Variants in LGR5 observed in about 807,000 individuals in gnomAD.
The protein encoded by LGR5 is leucine rich repeat containing G protein-coupled receptor 5, also known as leucine-rich repeat-containing G protein-coupled receptor 5.
LGR5 carries 54 observed loss-of-function variants against 76.7 expected under a neutral mutation model. The ratio of observed to expected loss-of-function variants is 0.70; its 90% CI spans 0.57 to 0.88. The LOEUF is 0.88. Among genes scored for constraint, LGR5 ranks in the 40% least tolerant of loss-of-function variants. LGR5 has a pLI of 0.00. For synonymous variants in LGR5, 406 were observed against 421.9 expected (o/e 0.96, Z 0.46); for missense variants, 1,078 against 1,073.3 (o/e 1.00, Z -0.06).
At chr12:71,534,679 G>C (rs372517058) in intron 3 of LGR5, among the ~76,000 whole-genome samples, 1 of 152,132 alleles carries the variant, frequency 6.6e-6, no homozygotes, top group Non-Finnish European at 1.5e-5. Context: ...GTCCTTTGCT[G>C]CTCCTTTAAC....
intron 4 of LGR5, among the ~76,000 whole-genome samples, chr12:71,536,913 CTT>C (rs1465871582): frequency 6.6e-6 from 1 of 152,156 alleles, no homozygotes; most frequent in Admixed American, 6.5e-5. Flanking sequence ...CATTTTGAAA[CTT>C]TATAACTATG....
intron 4 of LGR5, among the ~76,000 whole-genome samples, chr12:71,544,483 A>G (rs1317412688): frequency 6.7e-6 from 1 of 150,340 alleles, no homozygotes; most frequent in Non-Finnish European, 1.5e-5. Context: ...AGATAGGCTT[A>G]ATATCTCCCT....
At chr12:71,476,385 G>A (rs144352364) in intron 1 of LGR5, among the ~76,000 whole-genome samples, 45 of 152,242 alleles carry the variant, frequency 3.0e-4, no homozygotes, top group African/African-American at 1.1e-3. Flanking sequence ...CCCAATGTGT[G>A]TCTACTCTAG....
Position 71,544,930 on chromosome 12 carries a change from T to C in LGR5, c.429-8143T>C, listed in dbSNP as rs1877076772. On this transcript the variant is annotated intron_variant, in intron 4 of 17. Transcript: ENST00000266674. ...CAAAGTGGTCTCACAAAATGTACAA[T>C]GTACTGTTTAAGAGGGTTGGTCACC... Among the ~76,000 whole-genome samples the C allele has an allele frequency of 2.0e-5, 3 of 152,270 alleles. No homozygotes were observed. The South Asian group carries it at 6.2e-4, about 32-fold the overall frequency.
chr12:71,514,953 T>C (rs1875365317), intron 2 of LGR5, among the ~76,000 whole-genome samples: 2 of 152,208 alleles, frequency 1.3e-5, no homozygotes, highest in African/African-American at 2.4e-5. Context: ...TGATGAAATG[T>C]CATGATTCTT....
In LGR5 at chr12:71,440,365, A is replaced by G; in HGVS notation, c.212+73A>G. 6.8e-7 allele frequency: 1 copy of G among 1,472,126 alleles called. No homozygotes were observed. Among genetic ancestry groups the G allele is most frequent in the South Asian group, 1.2e-5 (1 of 86,842 alleles). The allele number at this position is 1,472,126 out of a possible 1,614,324, so 91.2% of individuals were successfully genotyped here. A position where few individuals can be genotyped will look rare whatever the true frequency, so the allele number is the denominator to read the frequency against. ...GAAGGTTCGTCCAAGGCGAGGCTGG[A>G]GGCTCCTCGGCGCCCGCCTGCTCGT... is the stretch of plus-strand genomic sequence containing the variant. On this transcript the variant is annotated intron_variant, in intron 1 of 17. Transcript: ENST00000266674. This position sits in a 1 kb window ranked among gnomAD's most constrained non-coding sequence, Gnocchi z 5.3.
chr12:71,576,905 C>A (rs147025167), intron 13 of LGR5, among the ~76,000 whole-genome samples: 1 of 152,102 alleles, frequency 6.6e-6, no homozygotes, highest in Non-Finnish European at 1.5e-5. Flanking sequence ...AAAGCCCAGC[C>A]GCCATTTGTA....
chr12:71,559,574 A>T lies in LGR5; in HGVS notation c.717-12A>T. 7.1e-7 allele frequency: 1 copy of T among 1,416,936 alleles called. No homozygotes were observed. Among genetic ancestry groups the T allele is most frequent in the Non-Finnish European group, 1.0e-6 (1 of 1,001,592 alleles). 87.8% of individuals were successfully genotyped at this position (1,416,936 alleles called of 1,614,324 possible). ...AAATAAAAAACTGAAAATACTATGT[A>T]CTCATTTTCAGAGATTTAAATTACA... is the stretch of plus-strand genomic sequence containing the variant. On this transcript the variant is annotated splice_polypyrimidine_tract_variant and intron_variant, in intron 6 of 17. Coordinates refer to ENST00000266674, the MANE Select transcript of LGR5 (RefSeq NM_003667.4).
At chr12:71,545,656 A>C (rs563022485) in intron 4 of LGR5, among the ~76,000 whole-genome samples, 202 of 152,096 alleles carry the variant, frequency 1.3e-3, no homozygotes, top group Admixed American at 2.4e-3. Context: ...TCAGATATGG[A>C]ATTAACCAAG....
At chr12:71,572,207 C>T (rs748089029) in intron 12 of LGR5, among the ~76,000 whole-genome samples, 2 of 151,902 alleles carry the variant, frequency 1.3e-5, no homozygotes, top group African/African-American at 2.4e-5. Flanking sequence ...CTCAGCCTCC[C>T]GAGTAGCTGG....
Position 71,465,078 on chromosome 12 carries a change from C to T in LGR5, c.212+24786C>T, listed in dbSNP as rs187590058. On this transcript the variant is annotated intron_variant, in intron 1 of 17. Coordinates refer to ENST00000266674, the MANE Select transcript of LGR5 (RefSeq NM_003667.4). ...CCGACCAGTTATTGGAGGCAGGCGTCCCCCTCCCTAGTGCCTCCTCGAAGT... is the reference window on the plus strand; with the variant it reads ...CCGACCAGTTATTGGAGGCAGGCGTTCCCCTCCCTAGTGCCTCCTCGAAGT... 2.0e-3 allele frequency among the ~76,000 whole-genome samples: 310 copies of T among 152,248 alleles called. 3 individuals are homozygous for T. Among genetic ancestry groups the T allele is most frequent in the African/African-American group, 6.7e-3 (280 of 41,540 alleles).
intron 1 of LGR5, among the ~76,000 whole-genome samples, chr12:71,476,173 C>T (rs1055803469): frequency 6.6e-6 from 1 of 152,158 alleles, no homozygotes; most frequent in African/African-American, 2.4e-5. Context: ...CCAACCACTT[C>T]GTCTGAATAC....
Position 71,572,918 on chromosome 12 carries a change from C to A in LGR5, c.1205C>A (p.Ser402Ter). 6.2e-7 allele frequency: 1 copy of A among 1,611,928 alleles called. No homozygotes were observed. Among genetic ancestry groups the A allele is most frequent in the Non-Finnish European group, 8.5e-7 (1 of 1,178,032 alleles). Residue 402 changes from serine to a stop codon, truncating the protein, a stop_gained, in exon 13 of 18, where the codon TCG becomes TAG. Transcript: ENST00000266674. LOFTEE classifies it high-confidence loss of function. ...TTCCAGCAGTTGCTTAGCCTCCGAT[C>A]GCTGTGAGTATCACCTCCCAGTGCG... ...DTFQQLLSLR[S>*]LNLAWNKIAI...
intron 2 of LGR5, among the ~76,000 whole-genome samples, chr12:71,522,110 C>G (rs1017969378): frequency 1.3e-5 from 2 of 152,268 alleles, no homozygotes; most frequent in African/African-American, 2.4e-5. Context: ...CTAAAAAAAG[C>G]AAACCTCATA....
intron 4 of LGR5, among the ~76,000 whole-genome samples, chr12:71,542,626 G>C (rs1471135781): frequency 6.6e-6 from 1 of 152,148 alleles, no homozygotes; most frequent in African/African-American, 2.4e-5. Flanking sequence ...ACCAGTGTTT[G>C]GTAATGAATT....
intron 11 of LGR5, among the ~76,000 whole-genome samples, chr12:71,569,280 A>G (rs1175725427): frequency 2.0e-5 from 3 of 152,276 alleles, no homozygotes. Flanking sequence ...CGCCTAAAGC[A>G]ATTGCAACAA....
At chr12:71,578,162 C>T (rs1234410681) in intron 14 of LGR5, among the ~76,000 whole-genome samples, 166 bp downstream of exon 14, 1 of 152,176 alleles carries the variant, frequency 6.6e-6, no homozygotes, top group African/African-American at 2.4e-5. Flanking sequence ...TCTGCTCCTC[C>T]AGGGCCACAT....
intron 1 of LGR5, among the ~76,000 whole-genome samples, chr12:71,442,107 T>G (rs1189349318): frequency 6.6e-6 from 1 of 152,218 alleles, no homozygotes; most frequent in Non-Finnish European, 1.5e-5. Flanking sequence ...ATTTAAATCA[T>G]ACATTCATTA....
chr12:71,510,655 T>G (rs1875107297), intron 2 of LGR5, among the ~76,000 whole-genome samples: 2 of 152,126 alleles, frequency 1.3e-5, no homozygotes, highest in Admixed American at 1.3e-4. Flanking sequence ...AGGAGACAGA[T>G]AATAAGCAAG....
Sources: allele counts gnomAD v4.1 joint callset (sites outside exome capture counted in the v4.1 genomes callset), GRCh38; gene constraint gnomAD v4.1.1; non-coding constraint Gnocchi (gnomAD v3.1); transcripts MANE v1.5; gene names NCBI Gene and HGNC (gene_info 2026-07-23, HGNC 2026-07-21).